CYRIA: variants seen among roughly 807,000 people sequenced by gnomAD.
CYRIA encodes CYFIP related Rac1 interactor A, also known as CYFIP-related Rac1 interactor A.
CYRIA carries 15 observed loss-of-function variants against 43.9 expected under a neutral mutation model. The ratio of observed to expected loss-of-function variants is 0.34; its 90% CI spans 0.23 to 0.53. CYRIA has a LOEUF of 0.53. Among genes scored for constraint, CYRIA ranks in the 20% least tolerant of loss-of-function variants. The probability of loss-of-function intolerance (pLI) is 0.94; values close to 1 mark genes in which losing one functional copy is unlikely to be tolerated. For missense variants in CYRIA, 236 were observed against 394.2 expected (o/e 0.60, Z 3.40); for synonymous variants, 117 against 136.0 (o/e 0.86, Z 0.97).
chr2:16,655,529 C>A (rs752054099), intron 1 of CYRIA, among the ~76,000 whole-genome samples: 3 of 152,176 alleles, frequency 2.0e-5, no homozygotes, highest in Non-Finnish European at 2.9e-5. Context: ...ATTTCACATT[C>A]TCTTCTGTTC....
At chr2:16,665,719 G>T (rs996776443) in intron 1 of CYRIA, 61 bp downstream of exon 1, 1 of 147,524 alleles carries the variant, frequency 6.8e-6, no homozygotes, top group Non-Finnish European at 1.5e-5. Context: ...TGCAGGCCGA[G>T]CCCCGCGCCC....
At chr2:16,657,442 T>C (rs1014198820) in intron 1 of CYRIA, among the ~76,000 whole-genome samples, 1 of 151,972 alleles carries the variant, frequency 6.6e-6, no homozygotes, top group African/African-American at 2.4e-5. Context: ...TTTGTCCCAG[T>C]GAAATTTGAG....
chr2:16,588,060 C>G lies in CYRIA; in HGVS notation c.60G>C (p.Leu20=). 6.2e-7 allele frequency: 1 copy of G among 1,601,946 alleles called. No homozygotes were observed. The highest frequency in any genetic ancestry group is 2.2e-5 in the East Asian group (1 of 44,570). Residue 20 remains leucine, a synonymous_variant, in exon 3 of 12, where the codon CTG becomes CTC. Coordinates refer to ENST00000381323, the MANE Select transcript of CYRIA (RefSeq NM_030797.4). ...ATTTTTGGAACTTACTTTCAAAATC[C>G]AGGAAAAAGTGTGGATAGTTTTCAA... ...REIENYPHFF[L]DFENAQPTEG...
At chr2:16,585,514 T>C (rs1445189537) in intron 3 of CYRIA, among the ~76,000 whole-genome samples, 5 of 152,192 alleles carry the variant, frequency 3.3e-5, no homozygotes, top group Admixed American at 3.3e-4. Context: ...ATTTTATATA[T>C]GTTTACAAAT....
intron 1 of CYRIA, chr2:16,625,815 A>G (rs975978123): frequency 1.3e-5 from 2 of 150,540 alleles, no homozygotes; most frequent in African/African-American, 4.9e-5. Flanking sequence ...TATCAGGGAG[A>G]GCTATCCCAT....
chr2:16,576,531 G>T (rs1667353069), intron 3 of CYRIA, among the ~76,000 whole-genome samples: 1 of 152,126 alleles, frequency 6.6e-6, no homozygotes, highest in African/African-American at 2.4e-5. Context: ...TCCTGCAACT[G>T]TCTCTTCTAT....
chr2:16,611,244 A>T (rs1053274452), intron 2 of CYRIA, among the ~76,000 whole-genome samples: 1 of 151,716 alleles, frequency 6.6e-6, no homozygotes, highest in Non-Finnish European at 1.5e-5. Flanking sequence ...ATGTGCCTGT[A>T]GTCCCAGCTA....
intron 2 of CYRIA, among the ~76,000 whole-genome samples, chr2:16,619,388 T>G (rs13017624): frequency 0.41 from 62,717 of 152,010 alleles, 13,115 homozygotes; most frequent in African/African-American, 0.47. Flanking sequence ...TATAGATATA[T>G]ATATATATAC....
intron 2 of CYRIA, among the ~76,000 whole-genome samples, chr2:16,612,865 G>A (rs1348060254): frequency 6.6e-6 from 1 of 152,154 alleles, no homozygotes; most frequent in Non-Finnish European, 1.5e-5. Flanking sequence ...TGTCGTGGGA[G>A]GGACCTGGTG....
Position 16,647,449 on chromosome 2 carries a change from C to T in CYRIA, c.-167+18331G>A, listed in dbSNP as rs115464802. 7.5e-3 allele frequency among the ~76,000 whole-genome samples: 1,137 copies of T among 152,272 alleles called. 15 individuals carry two copies. Among genetic ancestry groups the T allele is most frequent in the African/African-American group, 0.026 (1,076 of 41,554 alleles). On this transcript the variant is annotated intron_variant, in intron 1 of 11. Coordinates refer to ENST00000381323, the MANE Select transcript of CYRIA (RefSeq NM_030797.4). ...TGATTATACGCAAGAATGTAAGCTC[C>T]TCTTTCTCATCTGTACCAGCTGCTC... is the stretch of plus-strand genomic sequence containing the variant.
At chr2:16,624,692 C>A (rs1669102638) in intron 1 of CYRIA, among the ~76,000 whole-genome samples, 1 of 152,140 alleles carries the variant, frequency 6.6e-6, no homozygotes, top group Non-Finnish European at 1.5e-5. Flanking sequence ...TCATTTATTG[C>A]AGGGTTTTTT....
chr2:16,627,106 C>G (rs984679652), intron 1 of CYRIA, among the ~76,000 whole-genome samples: 3 of 152,198 alleles, frequency 2.0e-5, no homozygotes, highest in African/African-American at 7.2e-5. Context: ...CCTGTCCCAC[C>G]CCACCCCATT....
At chr2:16,610,666 C>T (rs1223312961) in intron 2 of CYRIA, among the ~76,000 whole-genome samples, 1 of 152,020 alleles carries the variant, frequency 6.6e-6, no homozygotes, top group East Asian at 1.9e-4. Flanking sequence ...CCTATGTGTA[C>T]TGCCCCATGT....
At chr2:16,644,940 C>A (rs149720934) in intron 1 of CYRIA, among the ~76,000 whole-genome samples, 7 of 152,258 alleles carry the variant, frequency 4.6e-5, no homozygotes, top group Non-Finnish European at 1.0e-4. Context: ...AAAGACAAGA[C>A]TTATTAAGGA....
intron 1 of CYRIA, among the ~76,000 whole-genome samples, chr2:16,633,698 C>T (rs1268292481): frequency 1.3e-5 from 2 of 151,822 alleles, no homozygotes; most frequent in African/African-American, 4.8e-5. Context: ...CACTTTCTGA[C>T]GGGACTGTTA....
chr2:16,587,110 A>C (rs1467603854), intron 3 of CYRIA, among the ~76,000 whole-genome samples: 1 of 152,146 alleles, frequency 6.6e-6, no homozygotes, highest in African/African-American at 2.4e-5. Context: ...CTTTTGGGTA[A>C]AAGGGATATA....
intron 1 of CYRIA, among the ~76,000 whole-genome samples, chr2:16,648,811 A>G (rs1378453977): frequency 6.6e-6 from 1 of 152,160 alleles, no homozygotes. Flanking sequence ...GGTGACACAA[A>G]ATTTCCTCCA....
At chr2:16,618,012 T>C (rs746457318) in intron 2 of CYRIA, among the ~76,000 whole-genome samples, 3 of 152,340 alleles carry the variant, frequency 2.0e-5, no homozygotes, top group Middle Eastern at 3.4e-3. Context: ...TATTTTTAAA[T>C]CTGCATCCTT....
chr2:16,634,185 C>T (rs528839092), intron 1 of CYRIA, among the ~76,000 whole-genome samples: 1 of 152,328 alleles, frequency 6.6e-6, no homozygotes, highest in East Asian at 1.9e-4. Context: ...GAGACTCAGG[C>T]AGAGGTTCAT....
Sources: gnomAD v4.1 joint callset for allele counts (sites outside exome capture counted in the v4.1 genomes callset) on GRCh38, gnomAD v4.1.1 for gene constraint, MANE v1.5 for transcripts, NCBI Gene and HGNC (gene_info 2026-07-23, HGNC 2026-07-21) for gene names.